The following SLC12A9 variants were observed in gnomAD, a reference collection of about 807,000 sequenced individuals.
SLC12A9 encodes the protein solute carrier family 12 member 9.
A neutral mutation model predicts 66.0 loss-of-function variants in SLC12A9; 55 were observed. That is an observed-to-expected ratio of 0.83 (90% confidence interval 0.67 to 1.04). The LOEUF (loss-of-function observed/expected upper bound fraction) is 1.04, where lower values mean the gene tolerates loss of function less well. Ranked by LOEUF, SLC12A9 falls within the 50% of genes least tolerant of loss-of-function variation. The pLI is 0.00. For missense variants in SLC12A9, 1,061 were observed against 1,241.9 expected (o/e 0.85, Z 2.19); for synonymous variants, 577 against 569.0 (o/e 1.01, Z -0.20).
At chr7:100,860,511 T>C (rs1814683479) in intron 9 of SLC12A9, 2 of 469,862 alleles carry the variant, frequency 4.3e-6, no homozygotes, top group South Asian at 2.4e-5. Context: ...TTTTGGGGTA[T>C]ACTAGTATTT....
chr7:100,857,006 C>T lies in SLC12A9; in HGVS notation c.587C>T (p.Thr196Ile). 6.2e-7 allele frequency: 1 copy of T among 1,614,194 alleles called. No homozygotes were observed. ...CTCTATGCCCGGGCCTCATTCCTCA[C>T]ATTCCTGCTGGTCTCTGGCTCCCTG... ...AGLYARASFLTFLLVSGSLAS... is the reference protein window; with the variant it reads ...AGLYARASFLIFLLVSGSLAS... Residue 196 changes from threonine to isoleucine, a missense_variant, in exon 5 of 14, where the codon ACA becomes ATA. By Grantham distance (89) the Thr-to-Ile change is moderately conservative. Coordinates refer to ENST00000354161, the MANE Select transcript of SLC12A9 (RefSeq NM_020246.4).
intron 4 of SLC12A9, 66 bp from the exon 5 acceptor site, chr7:100,856,802 C>T: frequency 2.0e-6 from 3 of 1,464,542 alleles, no homozygotes; most frequent in South Asian, 1.3e-5. Context: ...GTGAGCCGCC[C>T]ACCATGCCCG....
upstream of SLC12A9, among the ~76,000 whole-genome samples, chr7:100,848,180 A>C (rs1813960347): frequency 6.6e-6 from 1 of 151,480 alleles, no homozygotes. Context: ...CTAGAGGTAC[A>C]CCCTTGGAGG....
chr7:100,861,963 C>CTTT lies in SLC12A9; in HGVS notation c.1711+64_1711+66dup, dbSNP rs371080486. The CTTT allele has an allele frequency of 7.1e-6, 9 of 1,270,078 alleles. No homozygotes were observed. The highest frequency in any genetic ancestry group is 5.4e-5 in the East Asian group (2 of 37,370). 78.7% of individuals were successfully genotyped at this position (1,270,078 alleles called of 1,614,324 possible). Reference sequence around the variant, plus strand: ...CACTCCCATCCTTCTCTCCCCCTACCTTTTTTTTTTTTTTGAGATGGAGCT... The same window carrying CTTT: ...CACTCCCATCCTTCTCTCCCCCTACCTTTTTTTTTTTTTTTTTGAGATGGAGCT... On this transcript the variant is annotated intron_variant, in intron 12 of 13. Coordinates refer to ENST00000354161, the MANE Select transcript of SLC12A9 (RefSeq NM_020246.4). This position sits in a 1 kb window ranked among gnomAD's most constrained non-coding sequence, Gnocchi z 5.3.
intron 1 of SLC12A9, among the ~76,000 whole-genome samples, chr7:100,835,779 GT>G (rs754901571): frequency 3.3e-5 from 5 of 152,256 alleles, no homozygotes; most frequent in Non-Finnish European, 5.9e-5. Context: ...GGGCTCTTGA[GT>G]GCTGTTGGAA....
intron 1 of SLC12A9, among the ~76,000 whole-genome samples, chr7:100,836,230 G>C (rs980475210): frequency 6.6e-6 from 1 of 152,222 alleles, no homozygotes; most frequent in Non-Finnish European, 1.5e-5. Flanking sequence ...TTTGTGGCTG[G>C]AGGCCAGGAT....
At chr7:100,853,751 C>T (rs181701546) in intron 1 of SLC12A9, among the ~76,000 whole-genome samples, 1 of 150,466 alleles carries the variant, frequency 6.6e-6, no homozygotes, top group Non-Finnish European at 1.5e-5. Flanking sequence ...TCTTGTGAGA[C>T]GGAGTCTCAC....
chr7:100,854,207 G>A lies in SLC12A9; in HGVS notation c.10G>A (p.Glu4Lys). The A allele has an allele frequency of 6.4e-7, 1 of 1,565,664 alleles. No homozygotes were observed. The highest frequency in any genetic ancestry group is 1.2e-5 in the South Asian group (1 of 80,514). The change falls in exon 2 of 14, where the codon GAG (glutamate) becomes AAG (lysine). Residue 4 changes from glutamate (E) to lysine (K), a missense_variant. Physicochemically the swap from Glu to Lys is moderately conservative, Grantham distance 56. Coordinates refer to ENST00000354161, the MANE Select transcript of SLC12A9 (RefSeq NM_020246.4). ...CTACCTGTGCTCAGCCATGGCCAGC[G>A]AGAGCTCACCTCTGCTGGCCTACCG... MAS[E>K]SSPLLAYRLL...
At chr7:100,840,683 A>G (rs1053647018) in intron 1 of SLC12A9, among the ~76,000 whole-genome samples, 1 of 151,934 alleles carries the variant, frequency 6.6e-6, no homozygotes, top group Non-Finnish European at 1.5e-5. Flanking sequence ...GAGAGAGAGA[A>G]GAGACAGAGG....
intron 1 of SLC12A9, 106 bp from the exon 2 acceptor site, chr7:100,854,050 G>T: frequency 2.9e-6 from 2 of 697,818 alleles, no homozygotes; most frequent in Non-Finnish European, 4.4e-6. Flanking sequence ...TTTTAGTAGA[G>T]AGCAGCTCTG....
chr7:100,850,492 A>T (rs1814041561), upstream of SLC12A9, among the ~76,000 whole-genome samples: 2 of 151,270 alleles, frequency 1.3e-5, no homozygotes, highest in African/African-American at 4.9e-5. Flanking sequence ...CTTCTGCCTC[A>T]GCCTCCCAAA....
Position 100,861,118 on chromosome 7 carries a change from G to T in SLC12A9, c.1219-20G>T. Reference sequence around the variant, plus strand: ...CACTGGCACTTTGGAACAACGGCACGCCTCTTGGCCCTTGCCCAGCTGGTG... The same window carrying T: ...CACTGGCACTTTGGAACAACGGCACTCCTCTTGGCCCTTGCCCAGCTGGTG... On this transcript the variant is annotated intron_variant, in intron 9 of 13. Coordinates refer to ENST00000354161, the MANE Select transcript of SLC12A9 (RefSeq NM_020246.4). The surrounding 1 kb of genome is among the most constrained non-coding windows in gnomAD (Gnocchi z 5.3). 1 of 1,614,132 alleles carries T rather than the reference G, an allele frequency of 6.2e-7. No homozygotes were observed. Among genetic ancestry groups the T allele is most frequent in the Non-Finnish European group, 8.5e-7 (1 of 1,180,016 alleles).
At chr7:100,860,400 C>T in intron 9 of SLC12A9, 168 bp downstream of exon 9, 2 of 694,384 alleles carry the variant, frequency 2.9e-6, no homozygotes, top group Non-Finnish European at 4.7e-6. Flanking sequence ...TCACCAGCAC[C>T]TTGCAGGTTG....
At chr7:100,843,992 TGAA>T (rs1813844254) in intron 1 of SLC12A9, among the ~76,000 whole-genome samples, 3 of 152,162 alleles carry the variant, frequency 2.0e-5, no homozygotes, top group Admixed American at 2.0e-4. Flanking sequence ...AAAGTGACTC[TGAA>T]GAAGATGACA....
In SLC12A9 at chr7:100,866,541, C is replaced by T; in HGVS notation, c.2681C>T (p.Thr894Ile). 6.3e-7 allele frequency: 1 copy of T among 1,584,842 alleles called. No individual in the cohort carries two copies. The highest frequency in any genetic ancestry group is 8.6e-7 in the Non-Finnish European group (1 of 1,166,680). The change falls in exon 14 of 14, where the codon ACC becomes ATC. Residue 894 changes from threonine to isoleucine, a missense_variant. Thr to Ile is a moderately conservative substitution (Grantham distance 89). Coordinates refer to ENST00000354161, the MANE Select transcript of SLC12A9 (RefSeq NM_020246.4). This position sits in a 1 kb window ranked among gnomAD's most constrained non-coding sequence, Gnocchi z 7.3. ...TACCTGGCGCTACTGGAGACTCTAA[C>T]CCGAGACCTGGGCCCCACGCTGCTG... The part of the protein sequence containing the change: ...PRYLALLETL[T>I]RDLGPTLLVH...
chr7:100,854,484 A>G (rs1207704518), intron 2 of SLC12A9, 106 bp downstream of exon 2: 3 of 1,586,784 alleles, frequency 1.9e-6, no homozygotes, highest in African/African-American at 2.8e-5. Flanking sequence ...ACCCAAGAGA[A>G]GCGGTTGGCT....
intron 1 of SLC12A9, among the ~76,000 whole-genome samples, chr7:100,846,182 A>G (rs1250543904): frequency 6.6e-6 from 1 of 152,236 alleles, no homozygotes; most frequent in East Asian, 1.9e-4. Context: ...TGCTAAGAGA[A>G]TTTAAAAGTC....
chr7:100,846,426 G>T (rs1212703282), intron 1 of SLC12A9, among the ~76,000 whole-genome samples: 5 of 152,118 alleles, frequency 3.3e-5, no homozygotes, highest in African/African-American at 9.7e-5. Flanking sequence ...AATGAGCCGG[G>T]CGTGGTGGCG....
Position 100,861,607 on chromosome 7 carries a change from T to G in SLC12A9, c.1536+23T>G, listed in dbSNP as rs753950730. ...CAGGTATGGGGAGCTGGTGGGGCGG[T>G]GGGGAAATGGGAGGTGGTCAAAGAA... On this transcript the variant is annotated intron_variant, in intron 11 of 13. Transcript: ENST00000354161. The surrounding 1 kb of genome is among the most constrained non-coding windows in gnomAD (Gnocchi z 5.3). 15 of 1,609,116 alleles carry G rather than the reference T, an allele frequency of 9.3e-6. No individual in the cohort carries two copies. Among genetic ancestry groups the G allele is most frequent in the Non-Finnish European group, 1.3e-5 (15 of 1,177,058 alleles).
Sources: gnomAD v4.1 joint callset for allele counts (sites outside exome capture counted in the v4.1 genomes callset) on GRCh38, gnomAD v4.1.1 for gene constraint, Gnocchi (gnomAD v3.1) non-coding constraint, MANE v1.5 for transcripts, NCBI Gene and HGNC (gene_info 2026-07-23, HGNC 2026-07-21) for gene names.